The following KCNH7 variants were observed in gnomAD, a reference collection of about 807,000 sequenced individuals.
KCNH7 encodes the protein voltage-gated inwardly rectifying potassium channel KCNH7.
In KCNH7, 49 loss-of-function variants were observed where a neutral mutation model predicts 120.8. The ratio of observed to expected loss-of-function variants is 0.41; its 90% CI spans 0.32 to 0.51. The LOEUF (loss-of-function observed/expected upper bound fraction) is 0.51. Ranked by LOEUF, KCNH7 falls within the 20% of genes least tolerant of loss-of-function variation. KCNH7 has a pLI of 0.38. For missense variants in KCNH7, 1,097 were observed against 1,446.6 expected (o/e 0.76, Z 3.92); for synonymous variants, 547 against 516.1 (o/e 1.06, Z -0.81).
chr2:162,517,720 T>C lies in KCNH7; in HGVS notation c.892+10A>G, dbSNP rs763928821. Reference sequence around the variant, plus strand: ...ATATATGTTTCCATTTAAAAAAAAATCAAACATACCTTCGCTGGCATGTCG... The same window carrying C: ...ATATATGTTTCCATTTAAAAAAAAACCAAACATACCTTCGCTGGCATGTCG... On this transcript the variant is annotated intron_variant, in intron 4 of 15. Transcript: ENST00000332142. The C allele has an allele frequency of 6.5e-7, 1 of 1,540,408 alleles. No individual in the cohort carries two copies. The highest frequency in any genetic ancestry group is 8.8e-7 in the Non-Finnish European group (1 of 1,140,120).
chr2:162,470,393 G>C (rs1373803977), intron 6 of KCNH7, among the ~76,000 whole-genome samples: 2 of 150,614 alleles, frequency 1.3e-5, no homozygotes, highest in African/African-American at 2.4e-5. Flanking sequence ...TCTCTGCCCG[G>C]CCGCCCCGTC....
At chr2:162,620,416 T>C (rs1319475474) in intron 2 of KCNH7, among the ~76,000 whole-genome samples, 3 of 152,052 alleles carry the variant, frequency 2.0e-5, no homozygotes, top group African/African-American at 7.2e-5. Context: ...GTGTATTTTC[T>C]GTTTCTTTAG....
At chr2:162,416,677 G>A (rs1284487162) in intron 9 of KCNH7, among the ~76,000 whole-genome samples, 1 of 152,140 alleles carries the variant, frequency 6.6e-6, no homozygotes, top group Non-Finnish European at 1.5e-5. Flanking sequence ...AGAAGAGAGG[G>A]AAGAATGAAT....
At chr2:162,516,373 T>C (rs929611662) in intron 4 of KCNH7, among the ~76,000 whole-genome samples, 1 of 151,700 alleles carries the variant, frequency 6.6e-6, no homozygotes, top group South Asian at 2.1e-4. Flanking sequence ...TGAGTGGTAG[T>C]GTAAGGAGAG....
chr2:162,820,011 G>A (rs1256390703), intron 2 of KCNH7, among the ~76,000 whole-genome samples: 8 of 149,102 alleles, frequency 5.4e-5, no homozygotes, highest in South Asian at 4.3e-4. Context: ...GTGTTTGTTC[G>A]GGTATTTCTT....
chr2:162,612,947 T>C (rs148642081), intron 2 of KCNH7, among the ~76,000 whole-genome samples: 3 of 152,090 alleles, frequency 2.0e-5, no homozygotes, highest in African/African-American at 7.2e-5. Context: ...AGTACAGAGA[T>C]ACAAAATGAA....
chr2:162,601,399 C>CTTTTTTTTTTTT (rs60201823), intron 2 of KCNH7, among the ~76,000 whole-genome samples: 166 of 9,592 alleles, frequency 0.017, 32 homozygotes, highest in African/African-American at 0.029. Flanking sequence ...ACTTCTTGTG[C>CTTTTTTTTTTTT]TTTTTTTTTT....
At chr2:162,555,690 C>T (rs546668211) in intron 2 of KCNH7, among the ~76,000 whole-genome samples, 42 of 151,872 alleles carry the variant, frequency 2.8e-4, no homozygotes, top group African/African-American at 9.7e-4. Flanking sequence ...ATTCTTAGAC[C>T]CTAGGTTTTT....
chr2:162,705,231 G>T (rs1686655773), intron 2 of KCNH7, among the ~76,000 whole-genome samples: 1 of 151,960 alleles, frequency 6.6e-6, no homozygotes, highest in African/African-American at 2.4e-5. Context: ...GGGTTTTATT[G>T]GAACCATAAG....
At chr2:162,789,312 A>G (rs994767223) in intron 2 of KCNH7, among the ~76,000 whole-genome samples, 1 of 152,068 alleles carries the variant, frequency 6.6e-6, no homozygotes, top group African/African-American at 2.4e-5. Flanking sequence ...GGCCATCATC[A>G]TTTGCTAATA....
intron 7 of KCNH7, 74 bp from the exon 8 acceptor site, chr2:162,435,671 A>C (rs1688209407): frequency 7.0e-7 from 1 of 1,432,454 alleles, no homozygotes; most frequent in African/African-American, 1.4e-5. Flanking sequence ...AGCAAAGTGG[A>C]CAAAAACAGG....
chr2:162,416,361 A>C (rs1229722637), intron 9 of KCNH7, among the ~76,000 whole-genome samples: 1 of 149,608 alleles, frequency 6.7e-6, no homozygotes, highest in African/African-American at 2.5e-5. Context: ...CAACAGTGTG[A>C]GACTCCGTCT....
At chr2:162,834,390 A>G (rs995596098) in intron 2 of KCNH7, among the ~76,000 whole-genome samples, 1 of 152,084 alleles carries the variant, frequency 6.6e-6, no homozygotes, top group African/African-American at 2.4e-5. Context: ...CATGTTTTCC[A>G]TATCAATTAA....
intron 2 of KCNH7, among the ~76,000 whole-genome samples, chr2:162,538,435 G>A (rs957306428): frequency 6.6e-6 from 1 of 151,928 alleles, no homozygotes; most frequent in African/African-American, 2.4e-5. Context: ...CAGAGGCGGG[G>A]GGAGGTTGAG....
intron 6 of KCNH7, among the ~76,000 whole-genome samples, chr2:162,468,721 T>C (rs1689391754): frequency 6.6e-6 from 1 of 151,780 alleles, no homozygotes; most frequent in Admixed American, 6.6e-5. Context: ...AGAATTTCAT[T>C]GTGTTAGCCA....
intron 2 of KCNH7, among the ~76,000 whole-genome samples, chr2:162,635,497 GTT>G (rs148077398): frequency 1.3e-5 from 2 of 152,000 alleles, no homozygotes; most frequent in East Asian, 3.9e-4. Flanking sequence ...GAATCTATGT[GTT>G]TAGTCCAGAT....
intron 2 of KCNH7, among the ~76,000 whole-genome samples, chr2:162,570,570 A>G (rs1362429314): frequency 6.9e-6 from 1 of 144,114 alleles, no homozygotes; most frequent in East Asian, 2.1e-4. Context: ...TGATCCTGTC[A>G]TTATGATGTT....
At chr2:162,393,876 T>C (rs950700718) in intron 12 of KCNH7, among the ~76,000 whole-genome samples, 3 of 152,020 alleles carry the variant, frequency 2.0e-5, no homozygotes, top group Admixed American at 2.0e-4. Flanking sequence ...GAGTAGCTGC[T>C]CGAAAATGTG....
At chr2:162,788,692 A>C (rs1017370731) in intron 2 of KCNH7, among the ~76,000 whole-genome samples, 2 of 152,070 alleles carry the variant, frequency 1.3e-5, no homozygotes, top group Non-Finnish European at 2.9e-5. Flanking sequence ...AAAAAAAAGA[A>C]ATAGGCAGAG....
Sources: allele counts gnomAD v4.1 joint callset (sites outside exome capture counted in the v4.1 genomes callset), GRCh38; gene constraint gnomAD v4.1.1; transcripts MANE v1.5; gene names NCBI Gene and HGNC (gene_info 2026-07-23, HGNC 2026-07-21).